Variants in ROBO2 observed in about 807,000 individuals in gnomAD.
The protein encoded by ROBO2 is roundabout homolog 2.
Under a neutral mutation model 160.8 loss-of-function variants are expected in ROBO2, and 53 were observed. The observed-to-expected ratio is 0.33, with a 90% CI of 0.26 to 0.41. The LOEUF is 0.41. ROBO2 is among the 10% of genes least tolerant of loss of function. The probability of loss-of-function intolerance (pLI) is 1.00; values close to 1 mark genes in which losing one functional copy is unlikely to be tolerated. For missense variants in ROBO2, 1,577 were observed against 1,722.4 expected (o/e 0.92, Z 1.49); for synonymous variants, 664 against 611.7 (o/e 1.09, Z -1.26).
chr3:77,639,302 C>T (rs545768498), intron 24 of ROBO2, among the ~76,000 whole-genome samples: 1 of 152,108 alleles, frequency 6.6e-6, no homozygotes, highest in Admixed American at 6.5e-5. Context: ...AGACAAAATC[C>T]CCTGCCTTTT....
chr3:77,470,736 T>C (rs1261008970), intron 2 of ROBO2, among the ~76,000 whole-genome samples: 5 of 152,198 alleles, frequency 3.3e-5, no homozygotes, highest in African/African-American at 1.2e-4. Context: ...CTCCTGAGTA[T>C]GCTTCTATTT....
At chr3:75,997,531 C>T (rs1426535474) in intron 2 of ROBO2, among the ~76,000 whole-genome samples, 2 of 125,430 alleles carry the variant, frequency 1.6e-5, no homozygotes, top group Non-Finnish European at 3.3e-5. Flanking sequence ...CTCTCTCTGT[C>T]ACCCAGGCTG....
intron 2 of ROBO2, among the ~76,000 whole-genome samples, chr3:76,046,415 C>T (rs1008682820): frequency 1.6e-4 from 25 of 151,962 alleles, no homozygotes; most frequent in African/African-American, 5.8e-4. Flanking sequence ...TTTGGGAGGC[C>T]GACGCGGGTG....
chr3:75,951,047 G>A (rs894921323), intron 2 of ROBO2, among the ~76,000 whole-genome samples: 2 of 151,846 alleles, frequency 1.3e-5, no homozygotes, highest in Non-Finnish European at 2.9e-5. Context: ...TGATGTTTTT[G>A]TTACCAAAAG....
chr3:77,322,078 A>T (rs2064771100), intron 2 of ROBO2, among the ~76,000 whole-genome samples: 1 of 152,184 alleles, frequency 6.6e-6, no homozygotes, highest in African/African-American at 2.4e-5. Flanking sequence ...GCAAGTCCTA[A>T]GCAGGCACTG....
At chr3:76,422,329 T>C (rs770609744) in intron 2 of ROBO2, among the ~76,000 whole-genome samples, 17 of 152,172 alleles carry the variant, frequency 1.1e-4, no homozygotes, top group Non-Finnish European at 2.4e-4. Context: ...CAGACCCTTG[T>C]TTAGTAAGGT....
At chr3:76,511,982 G>C (rs966463979) in intron 2 of ROBO2, among the ~76,000 whole-genome samples, 2 of 152,090 alleles carry the variant, frequency 1.3e-5, no homozygotes, top group African/African-American at 4.8e-5. Context: ...AACAGTGCCT[G>C]AAAAGTGCCT....
chr3:77,641,619 G>T (rs1280544283), intron 24 of ROBO2, among the ~76,000 whole-genome samples: 1 of 151,920 alleles, frequency 6.6e-6, no homozygotes, highest in Non-Finnish European at 1.5e-5. Flanking sequence ...TGGTCTTTAT[G>T]AAAAAATAAT....
chr3:76,080,256 G>A (rs1400975711), intron 2 of ROBO2, among the ~76,000 whole-genome samples: 2 of 152,094 alleles, frequency 1.3e-5, no homozygotes, highest in African/African-American at 4.8e-5. Flanking sequence ...CAGAAAAATC[G>A]GTTCTATTTT....
chr3:77,581,316 C>T (rs1249789530), intron 16 of ROBO2, among the ~76,000 whole-genome samples: 1 of 152,092 alleles, frequency 6.6e-6, no homozygotes, highest in Non-Finnish European at 1.5e-5. Context: ...AAAAGTATTA[C>T]ATTTTAATGA....
chr3:76,259,509 T>C (rs1440836279), intron 2 of ROBO2, among the ~76,000 whole-genome samples: 1 of 152,150 alleles, frequency 6.6e-6, no homozygotes, highest in African/African-American at 2.4e-5. Context: ...TGTCCATACA[T>C]CTTGTAAGCA....
At position 77,251,451 on chromosome 3, in the gene ROBO2, G is replaced by A. The variant is rs181812937; in HGVS notation, c.388+153111G>A. 3.8e-3 allele frequency among the ~76,000 whole-genome samples: 572 copies of A among 152,198 alleles called. 2 individuals are homozygous for A. The highest frequency in any genetic ancestry group is 0.013 in the African/African-American group (547 of 41,536). The stretch of plus-strand genomic sequence containing the variant: ...GTCTTGCAGGCACCTCTCTCAAAAC[G>A]TTGCTCTCAACGCCCTAGCTTGCTT... On this transcript the variant is annotated intron_variant, in intron 2 of 25. Transcript: ENST00000461745.
intron 2 of ROBO2, among the ~76,000 whole-genome samples, chr3:76,355,190 T>C (rs1014282987): frequency 6.6e-6 from 1 of 151,790 alleles, no homozygotes; most frequent in African/African-American, 2.4e-5. Flanking sequence ...AAAATGATAA[T>C]TGATTACAAT....
At chr3:76,694,698 T>C (rs531636846) in intron 2 of ROBO2, among the ~76,000 whole-genome samples, 1 of 152,328 alleles carries the variant, frequency 6.6e-6, no homozygotes, top group African/African-American at 2.4e-5. Context: ...AAACTTCTAA[T>C]ATATGCAAAG....
chr3:76,243,470 A>C (rs543285013), intron 2 of ROBO2, among the ~76,000 whole-genome samples: 15 of 152,246 alleles, frequency 9.9e-5, no homozygotes, highest in Admixed American at 2.6e-4. Context: ...TATATTACAA[A>C]ACAGTATAAA....
chr3:76,120,765 T>C (rs746317722), intron 2 of ROBO2, among the ~76,000 whole-genome samples: 4 of 152,184 alleles, frequency 2.6e-5, no homozygotes. Context: ...ATTCTACCCT[T>C]CTTTGAACCT....
intron 2 of ROBO2, among the ~76,000 whole-genome samples, chr3:77,192,046 A>G (rs2081903563): frequency 6.6e-6 from 1 of 152,200 alleles, no homozygotes; most frequent in South Asian, 2.1e-4. Context: ...ACAGGATGGC[A>G]AACTCTTTAT....
At chr3:76,231,160 T>C (rs1704600684) in intron 2 of ROBO2, among the ~76,000 whole-genome samples, 1 of 152,194 alleles carries the variant, frequency 6.6e-6, no homozygotes, top group African/African-American at 2.4e-5. Flanking sequence ...CCCTAGGATG[T>C]TAATACACAC....
At chr3:76,117,916 A>C (rs552406262) in intron 2 of ROBO2, among the ~76,000 whole-genome samples, 1 of 152,286 alleles carries the variant, frequency 6.6e-6, no homozygotes, top group African/African-American at 2.4e-5. Context: ...CCTGGAAGAA[A>C]GGTAGCAAGA....
Sources: gnomAD v4.1 joint callset for allele counts (sites outside exome capture counted in the v4.1 genomes callset) on GRCh38, gnomAD v4.1.1 for gene constraint, MANE v1.5 for transcripts, NCBI Gene and HGNC (gene_info 2026-07-23, HGNC 2026-07-21) for gene names.